The following LIN7A variants were observed in gnomAD, a reference collection of about 807,000 sequenced individuals.
LIN7A encodes protein lin-7 homolog A.
A neutral mutation model predicts 29.8 loss-of-function variants in LIN7A; 25 were observed. That is an observed-to-expected ratio of 0.84 (90% CI 0.61 to 1.17). The LOEUF (loss-of-function observed/expected upper bound fraction) is 1.17. Ranked by LOEUF, LIN7A falls within the 50% of genes most tolerant of loss-of-function variation. The pLI is 0.00. For missense variants in LIN7A, 239 were observed against 287.0 expected (o/e 0.83, Z 1.21); for synonymous variants, 118 against 107.5 (o/e 1.10, Z -0.60).
intron 2 of LIN7A, among the ~76,000 whole-genome samples, chr12:80,856,230 C>T (rs1284990910): frequency 1.3e-5 from 2 of 152,206 alleles, no homozygotes; most frequent in Non-Finnish European, 2.9e-5. Context: ...AGAGTACTAT[C>T]TTTCTACATT....
chr12:80,843,375 C>T (rs1232381965), intron 4 of LIN7A, among the ~76,000 whole-genome samples: 2 of 152,110 alleles, frequency 1.3e-5, no homozygotes, highest in South Asian at 2.1e-4. Context: ...ATCTGCCTCA[C>T]GTGAACCTTT....
intron 1 of LIN7A, among the ~76,000 whole-genome samples, chr12:80,900,166 A>G (rs957608675): frequency 1.3e-5 from 2 of 151,392 alleles, no homozygotes; most frequent in Non-Finnish European, 2.9e-5. Context: ...TTTTTTATTT[A>G]TTGGTCTAGG....
chr12:80,911,606 TG>T (rs1876752121), intron 1 of LIN7A, among the ~76,000 whole-genome samples: 1 of 152,204 alleles, frequency 6.6e-6, no homozygotes, highest in Admixed American at 6.5e-5. Context: ...AAATTATTCT[TG>T]TACCTTTTCT....
intron 5 of LIN7A, among the ~76,000 whole-genome samples, chr12:80,805,423 A>G (rs1870930214): frequency 1.3e-5 from 2 of 152,070 alleles, no homozygotes; most frequent in Admixed American, 6.6e-5. Flanking sequence ...AGTGGGAGGA[A>G]AAAGAGATTT....
intron 5 of LIN7A, among the ~76,000 whole-genome samples, chr12:80,798,053 A>C (rs1870537311): frequency 6.6e-6 from 1 of 152,198 alleles, no homozygotes; most frequent in Middle Eastern, 3.2e-3. Flanking sequence ...AATAACCAAC[A>C]TTTATGTTAC....
intron 1 of LIN7A, among the ~76,000 whole-genome samples, chr12:80,902,121 C>T (rs1876244496): frequency 6.6e-6 from 1 of 152,042 alleles, no homozygotes; most frequent in Admixed American, 6.6e-5. Context: ...GTGTCTTTCC[C>T]CCATTGCTTG....
intron 1 of LIN7A, among the ~76,000 whole-genome samples, chr12:80,910,532 C>T (rs1377878757): frequency 3.9e-5 from 6 of 152,076 alleles, no homozygotes; most frequent in Non-Finnish European, 5.9e-5. Context: ...TGCAGAAACC[C>T]TTTATTGAGA....
At chr12:80,918,004 A>G (rs1877110995) in intron 1 of LIN7A, among the ~76,000 whole-genome samples, 2 of 152,084 alleles carry the variant, frequency 1.3e-5, no homozygotes, top group Admixed American at 1.3e-4. Context: ...GCCTTGGCCT[A>G]CAATTCATTT....
rs772862657 is a variant in LIN7A, at chr12:80,810,708, C to T, written c.*757G>A. ...CTGTAGCAATTTATATTCCCACCAA[C>T]GGTGTACAAGGGTTCCCTTTTCTTC... is the stretch of plus-strand genomic sequence containing the variant. On this transcript the variant is annotated intron_variant, in intron 5 of 5. Transcript: ENST00000552864. 5.0e-4 allele frequency among the ~76,000 whole-genome samples: 76 copies of T among 152,174 alleles called. 2 individuals carry two copies. The highest frequency in any genetic ancestry group is 8.4e-4 in the Non-Finnish European group (57 of 68,022).
chr12:80,912,287 GT>G (rs1417886151), intron 1 of LIN7A, among the ~76,000 whole-genome samples: 1 of 152,014 alleles, frequency 6.6e-6, no homozygotes, highest in Non-Finnish European at 1.5e-5. Flanking sequence ...AAGGCATTAT[GT>G]TCTTCTCATG....
chr12:80,860,270 A>G (rs1236954628), intron 2 of LIN7A, among the ~76,000 whole-genome samples: 1 of 152,228 alleles, frequency 6.6e-6, no homozygotes, highest in East Asian at 1.9e-4. Context: ...TACCGCACAG[A>G]CTGCAAGAAG....
intron 4 of LIN7A, among the ~76,000 whole-genome samples, chr12:80,829,542 G>A (rs1043946430): frequency 6.6e-6 from 1 of 152,038 alleles, no homozygotes; most frequent in Non-Finnish European, 1.5e-5. Context: ...TCATAAGGAA[G>A]GATTATGAAA....
intron 4 of LIN7A, among the ~76,000 whole-genome samples, chr12:80,828,801 G>GGT (rs374898856): frequency 0.018 from 2,687 of 151,194 alleles, 62 homozygotes; most frequent in African/African-American, 0.061. Context: ...ATAAATGTGG[G>GGT]GTGTGTGTGT....
At chr12:80,837,524 A>G (rs1283154578) in intron 4 of LIN7A, among the ~76,000 whole-genome samples, 1 of 152,134 alleles carries the variant, frequency 6.6e-6, no homozygotes, top group Non-Finnish European at 1.5e-5. Flanking sequence ...TGAAGGGAGC[A>G]AGGAACAGAT....
At chr12:80,818,308 ATG>A (rs943622286) in intron 4 of LIN7A, among the ~76,000 whole-genome samples, 4 of 152,098 alleles carry the variant, frequency 2.6e-5, no homozygotes, top group African/African-American at 9.7e-5. Flanking sequence ...ATACATATAA[ATG>A]TGTGTAAACA....
chr12:80,920,124 T>C (rs1215262392), intron 1 of LIN7A, among the ~76,000 whole-genome samples: 1 of 152,140 alleles, frequency 6.6e-6, no homozygotes, highest in African/African-American at 2.4e-5. Flanking sequence ...CAGACCAGTC[T>C]CCGTCCCAAC....
At chr12:80,890,599 A>G (rs574169342) in intron 1 of LIN7A, among the ~76,000 whole-genome samples, 1 of 152,286 alleles carries the variant, frequency 6.6e-6, no homozygotes, top group East Asian at 1.9e-4. Context: ...TAAAATAACA[A>G]AAAGTGACTT....
intron 2 of LIN7A, among the ~76,000 whole-genome samples, chr12:80,887,429 A>T (rs1201686915): frequency 6.6e-6 from 1 of 152,138 alleles, no homozygotes; most frequent in Non-Finnish European, 1.5e-5. Flanking sequence ...AAGGAAATCC[A>T]ATGTTCTTAC....
chr12:80,842,012 C>T (rs1229416542), intron 4 of LIN7A: 3 of 1,276,804 alleles, frequency 2.3e-6, no homozygotes, highest in Non-Finnish European at 3.0e-6. Context: ...GGTTCAATGT[C>T]TCATTTGTAA....
Sources: gnomAD v4.1 joint callset for allele counts (sites outside exome capture counted in the v4.1 genomes callset) on GRCh38, gnomAD v4.1.1 for gene constraint, MANE v1.5 for transcripts, NCBI Gene and HGNC (gene_info 2026-07-23, HGNC 2026-07-21) for gene names.